The following KCNQ5 variants were observed in gnomAD, a reference collection of about 807,000 sequenced individuals.
The protein encoded by KCNQ5 is potassium voltage-gated channel subfamily KQT member 5.
KCNQ5 carries 30 observed loss-of-function variants against 98.2 expected under a neutral mutation model. The observed-to-expected ratio is 0.31, with a 90% CI of 0.23 to 0.41. The LOEUF (loss-of-function observed/expected upper bound fraction) is 0.41, where lower values mean the gene tolerates loss of function less well. Ranked by LOEUF, KCNQ5 falls within the 10% of genes least tolerant of loss-of-function variation. The probability of loss-of-function intolerance (pLI) is 1.00; values close to 1 mark genes in which losing one functional copy is unlikely to be tolerated. For missense variants in KCNQ5, 835 were observed against 1,182.5 expected, an observed-to-expected ratio of 0.71 and a Z score of 4.31; for synonymous variants, 458 against 449.4, an observed-to-expected ratio of 1.02 and a Z score of -0.24.
intron 2 of KCNQ5, among the ~76,000 whole-genome samples, chr6:73,014,091 C>T (rs546357757): frequency 2.0e-5 from 3 of 152,128 alleles, no homozygotes; most frequent in Admixed American, 6.5e-5. Flanking sequence ...CCAGGTTAGA[C>T]TATTGTGGTA....
intron 6 of KCNQ5, 89 bp from the exon 7 acceptor site, chr6:73,111,219 C>T (rs746018822): frequency 1.1e-6 from 1 of 870,712 alleles, no homozygotes; most frequent in Admixed American, 2.1e-5. Flanking sequence ...TTTGTCTTCT[C>T]TCAGACTCAT....
chr6:72,965,187 A>C (rs1162606832), intron 1 of KCNQ5, among the ~76,000 whole-genome samples: 1 of 152,206 alleles, frequency 6.6e-6, no homozygotes, highest in Admixed American at 6.5e-5. Flanking sequence ...AAGCACAAGA[A>C]GGCTGTGATG....
At chr6:73,121,269 G>T (rs1562191103) in intron 8 of KCNQ5, among the ~76,000 whole-genome samples, 1 of 151,424 alleles carries the variant, frequency 6.6e-6, no homozygotes, top group African/African-American at 2.4e-5. Flanking sequence ...TTTACCATGT[G>T]CCTAGAAGCA....
chr6:72,846,510 C>A (rs536288251), intron 1 of KCNQ5, among the ~76,000 whole-genome samples: 2 of 137,662 alleles, frequency 1.5e-5, no homozygotes, highest in Admixed American at 6.9e-5. Flanking sequence ...CTCATCTCTA[C>A]AGGGGAAAAA....
intron 1 of KCNQ5, among the ~76,000 whole-genome samples, chr6:72,655,043 TC>T (rs1766094687): frequency 7.0e-6 from 1 of 142,830 alleles, no homozygotes; most frequent in South Asian, 2.3e-4. Flanking sequence ...TTTCTTTCTT[TC>T]TTTCTTTCTT....
At chr6:73,165,894 G>A (rs191888027) in intron 10 of KCNQ5, among the ~76,000 whole-genome samples, 8 of 151,830 alleles carry the variant, frequency 5.3e-5, no homozygotes, top group Non-Finnish European at 8.8e-5. Flanking sequence ...GCAGTGAGCC[G>A]AGATTGTGCT....
At chr6:72,631,570 T>A (rs1396701640) in intron 1 of KCNQ5, among the ~76,000 whole-genome samples, 1 of 152,182 alleles carries the variant, frequency 6.6e-6, no homozygotes, top group Non-Finnish European at 1.5e-5. Context: ...CATCAGAAAT[T>A]ACCATTGGAT....
chr6:72,974,385 C>CAAAAAA (rs201503571), intron 1 of KCNQ5, among the ~76,000 whole-genome samples: 22 of 120,476 alleles, frequency 1.8e-4, no homozygotes, highest in African/African-American at 4.7e-4. Flanking sequence ...TAACTAGTGG[C>CAAAAAA]AAAAAAAAAA....
chr6:73,058,344 C>T (rs563667492), intron 3 of KCNQ5, among the ~76,000 whole-genome samples: 80 of 151,974 alleles, frequency 5.3e-4, no homozygotes, highest in African/African-American at 1.5e-3. Flanking sequence ...CCCCGGGGGG[C>T]GGAGGCTGCA....
rs1229639037 is a variant in KCNQ5, at chr6:72,622,420, G to C, written c.231G>C (p.Glu77Asp). ...GTGGCGGCGGCGGTGGCCTGAGGGAGAGCCGCCGGGGCAAGCAGGGGGCCC... is the reference window on the plus strand; with the variant it reads ...GTGGCGGCGGCGGTGGCCTGAGGGACAGCCGCCGGGGCAAGCAGGGGGCCC... ...TLGGGGGGLR[E>D]SRRGKQGARM... Residue 77 changes from glutamate to aspartate, a missense_variant, in exon 1 of 14, where the codon GAG becomes GAC. Physicochemically the swap from Glu to Asp is conservative, Grantham distance 45. This residue lies in a region of KCNQ5 where 54 missense variants were observed against 51.5 expected (regional missense o/e 1.05). Transcript: ENST00000370398. The surrounding 1 kb of genome is among the most constrained non-coding windows in gnomAD (Gnocchi z 6.0). 1 of 1,534,582 alleles carries C rather than the reference G, an allele frequency of 6.5e-7. No individual in the cohort carries two copies. The highest frequency in any genetic ancestry group is 2.0e-5 in the Admixed American group (1 of 49,692).
intron 1 of KCNQ5, among the ~76,000 whole-genome samples, chr6:72,687,292 T>A (rs1299460956): frequency 1.3e-5 from 2 of 152,222 alleles, no homozygotes; most frequent in Non-Finnish European, 2.9e-5. Flanking sequence ...GGATGTTATG[T>A]CTATTGTATA....
At chr6:73,081,604 A>G (rs964820377) in intron 5 of KCNQ5, among the ~76,000 whole-genome samples, 4 of 152,224 alleles carry the variant, frequency 2.6e-5, no homozygotes, top group African/African-American at 7.2e-5. Context: ...CCAACAGTAT[A>G]TTGTTCACCT....
chr6:72,776,922 C>A (rs1239736692), intron 1 of KCNQ5, among the ~76,000 whole-genome samples: 2 of 152,150 alleles, frequency 1.3e-5, no homozygotes, highest in Non-Finnish European at 2.9e-5. Flanking sequence ...ACAACTCAGG[C>A]ATCACCTGAG....
At chr6:72,962,321 A>G (rs1051457370) in intron 1 of KCNQ5, among the ~76,000 whole-genome samples, 1 of 150,102 alleles carries the variant, frequency 6.7e-6, no homozygotes, top group Non-Finnish European at 1.5e-5. Context: ...ATACAGAGTG[A>G]TAAAATAGAC....
chr6:73,137,711 G>A (rs544082531), intron 10 of KCNQ5, among the ~76,000 whole-genome samples: 13 of 152,182 alleles, frequency 8.5e-5, no homozygotes, highest in African/African-American at 2.9e-4. Context: ...TATGGATGAG[G>A]AAACTAAGAG....
At chr6:72,968,119 T>A (rs1767705908) in intron 1 of KCNQ5, among the ~76,000 whole-genome samples, 1 of 152,068 alleles carries the variant, frequency 6.6e-6, no homozygotes. Context: ...GAAACTTACA[T>A]ACACACACAC....
At chr6:72,759,433 A>G (rs141945048) in intron 1 of KCNQ5, among the ~76,000 whole-genome samples, 3 of 152,336 alleles carry the variant, frequency 2.0e-5, no homozygotes, top group Non-Finnish European at 4.4e-5. Context: ...AAGGAGGGCC[A>G]TACAATAATG....
At chr6:72,965,919 G>A (rs192819371) in intron 1 of KCNQ5, among the ~76,000 whole-genome samples, 144 of 152,278 alleles carry the variant, frequency 9.5e-4, no homozygotes, top group African/African-American at 3.3e-3. Flanking sequence ...AGTGCTATTT[G>A]TGTTTATGCA....
At chr6:73,030,785 C>CACTA (rs1771110691) in intron 2 of KCNQ5, among the ~76,000 whole-genome samples, 1 of 152,192 alleles carries the variant, frequency 6.6e-6, no homozygotes, top group Non-Finnish European at 1.5e-5. Flanking sequence ...AGGACTCCAA[C>CACTA]ACTACCCTGC....
Sources: allele counts gnomAD v4.1 joint callset (sites outside exome capture counted in the v4.1 genomes callset), GRCh38; gene constraint gnomAD v4.1.1; regional missense constraint gnomAD v4.1.1; non-coding constraint Gnocchi (gnomAD v3.1); transcripts MANE v1.5; gene names NCBI Gene and HGNC (gene_info 2026-07-23, HGNC 2026-07-21).